Variants in CRY2 observed in about 807,000 individuals in gnomAD.
CRY2 encodes the protein cryptochrome circadian regulator 2.
A neutral mutation model predicts 69.5 loss-of-function variants in CRY2; 31 were observed. The observed-to-expected ratio is 0.45, with a 90% CI of 0.34 to 0.60. The LOEUF (loss-of-function observed/expected upper bound fraction) is 0.60. Ranked by LOEUF, CRY2 falls within the 20% of genes least tolerant of loss-of-function variation. The pLI, the probability that CRY2 is intolerant of heterozygous loss-of-function variation, is 0.02. For missense variants in CRY2, 606 were observed against 797.8 expected (o/e 0.76, Z 2.90); for synonymous variants, 303 against 312.2 (o/e 0.97, Z 0.31).
intron 2 of CRY2, among the ~76,000 whole-genome samples, chr11:45,857,078 G>A (rs2086246240): frequency 6.6e-6 from 1 of 152,120 alleles, no homozygotes; most frequent in African/African-American, 2.4e-5. Flanking sequence ...AAAAGGAAAA[G>A]TCATGTCAAG....
intron 6 of CRY2, among the ~76,000 whole-genome samples, chr11:45,868,609 A>G (rs1190948259): frequency 6.6e-6 from 1 of 151,812 alleles, no homozygotes; most frequent in Non-Finnish European, 1.5e-5. Flanking sequence ...GTGAGCCACC[A>G]TGCCTAGCCG....
intron 11 of CRY2, 46 bp from the exon 12 acceptor site, chr11:45,880,868 G>C (rs2086466401): frequency 6.6e-6 from 1 of 152,272 alleles, no homozygotes; most frequent in African/African-American, 2.4e-5. Flanking sequence ...CTGGGCAACT[G>C]AGCAGCCTCC....
At chr11:45,847,964 T>C (rs1456148492) in intron 1 of CRY2, among the ~76,000 whole-genome samples, 1 of 152,210 alleles carries the variant, frequency 6.6e-6, no homozygotes, top group Non-Finnish European at 1.5e-5. Flanking sequence ...GTTGTACAGA[T>C]GAGACCCTTG....
intron 5 of CRY2, among the ~76,000 whole-genome samples, chr11:45,864,737 G>A (rs565103435): frequency 2.4e-4 from 36 of 152,162 alleles, no homozygotes; most frequent in African/African-American, 7.9e-4. Flanking sequence ...GCATGGTGGC[G>A]AGTGCCTGTA....
At chr11:45,861,901 T>C (rs1415891591) in intron 4 of CRY2, 159 bp from the exon 5 acceptor site, 1 of 635,788 alleles carries the variant, frequency 1.6e-6, no homozygotes, top group African/African-American at 1.9e-5. Flanking sequence ...GAGAACCAAG[T>C]TGACCTAGAA....
In CRY2 at chr11:45,870,941, A is replaced by G; in HGVS notation, c.1642+7A>G. 1.2e-6 allele frequency: 2 copies of G among 1,607,408 alleles called. No homozygotes were observed. The highest frequency in any genetic ancestry group is 2.2e-5 in the South Asian group (2 of 90,708). ...GGCAGCATGAGCAGTGCAGGTGAGC[A>G]GCAGCAACCAACCTCCTGTGGCCTC... On this transcript the variant is annotated splice_region_variant and intron_variant, in intron 10 of 11. Transcript: ENST00000616080.
intron 1 of CRY2, among the ~76,000 whole-genome samples, chr11:45,854,457 G>A (rs917229262): frequency 1.3e-5 from 2 of 152,204 alleles, no homozygotes; most frequent in African/African-American, 2.4e-5. Flanking sequence ...GCTGAGGAGG[G>A]CGGATCACTT....
chr11:45,879,934 G>T (rs905532073), intron 11 of CRY2, among the ~76,000 whole-genome samples: 9 of 152,146 alleles, frequency 5.9e-5, no homozygotes, highest in African/African-American at 1.9e-4. Context: ...TACTGTCTGG[G>T]TCTAAATTTC....
At chr11:45,847,464 G>C (rs1295298215), upstream of CRY2, 3 of 1,597,280 alleles carry the variant, frequency 1.9e-6, no homozygotes, top group Admixed American at 3.4e-5. Flanking sequence ...GGGCGGAGCG[G>C]GGGTGGCTGG....
intron 11 of CRY2, 39 bp downstream of exon 11, chr11:45,872,272 G>A: frequency 6.3e-7 from 1 of 1,596,120 alleles, no homozygotes; most frequent in African/African-American, 1.3e-5. Flanking sequence ...CAGGAAGGAA[G>A]TTGGGAGTGG....
At chr11:45,869,898 A>G in intron 7 of CRY2, 81 bp downstream of exon 7, 1 of 1,522,658 alleles carries the variant, frequency 6.6e-7, no homozygotes, top group East Asian at 2.3e-5. Context: ...GGGCTGAGGG[A>G]TGAGGTGGGA....
Position 45,872,129 on chromosome 11 carries a change from A to T in CRY2, c.1680A>T (p.Lys560Asn). The T allele has an allele frequency of 6.2e-7, 1 of 1,614,072 alleles. No homozygotes were observed. The highest frequency in any genetic ancestry group is 8.5e-7 in the Non-Finnish European group (1 of 1,179,972). ...RPLPSGPASP[K>N]RKLEAAEEPP... is the part of the protein sequence containing the mutation. ...TACCCAGTGGCCCAGCATCCCCCAA[A>T]CGCAAGCTGGAAGCAGCCGAGGAAC... Residue 560 changes from lysine to asparagine, a missense_variant, in exon 11 of 12, where the codon AAA becomes AAT. Coordinates refer to ENST00000616080, the MANE Select transcript of CRY2 (RefSeq NM_021117.5).
chr11:45,876,541 C>G (rs1266652301), intron 11 of CRY2, among the ~76,000 whole-genome samples: 3 of 152,214 alleles, frequency 2.0e-5, no homozygotes, highest in Non-Finnish European at 2.9e-5. Context: ...TCTCATTGGT[C>G]CAATTATTTT....
intron 1 of CRY2, among the ~76,000 whole-genome samples, chr11:45,851,921 C>A (rs893510990): frequency 6.6e-6 from 1 of 152,170 alleles, no homozygotes; most frequent in East Asian, 1.9e-4. Flanking sequence ...TATCCTCCCT[C>A]CCCCCATTAA....
At chr11:45,876,167 A>G (rs1279299456) in intron 11 of CRY2, among the ~76,000 whole-genome samples, 1 of 152,170 alleles carries the variant, frequency 6.6e-6, no homozygotes, top group Admixed American at 6.5e-5. Flanking sequence ...GTAAGATGTG[A>G]ATAGTCATTC....
intron 4 of CRY2, chr11:45,861,277 C>T (rs1211073743): frequency 1.5e-5 from 7 of 478,102 alleles, no homozygotes; most frequent in Non-Finnish European, 2.6e-5. Context: ...TAGATCATGC[C>T]TCTATTTTTG....
intron 10 of CRY2, 120 bp from the exon 11 acceptor site, chr11:45,871,972 C>A: frequency 7.3e-7 from 1 of 1,372,414 alleles, no homozygotes; most frequent in Non-Finnish European, 1.0e-6. Context: ...TGAGGAGCAG[C>A]ATGCTGGCAT....
At position 45,870,939 on chromosome 11, in the gene CRY2, G is replaced by A. The variant is rs1445792910; in HGVS notation, c.1642+5G>A. 1 of 1,608,040 alleles carries A rather than the reference G, an allele frequency of 6.2e-7. No homozygotes were observed. The highest frequency in any genetic ancestry group is 8.5e-7 in the Non-Finnish European group (1 of 1,179,280). On this transcript the variant is annotated splice_donor_5th_base_variant and intron_variant, in intron 10 of 11. Coordinates refer to ENST00000616080, the MANE Select transcript of CRY2 (RefSeq NM_021117.5). Reference sequence around the variant, plus strand: ...CTGGCAGCATGAGCAGTGCAGGTGAGCAGCAGCAACCAACCTCCTGTGGCC... The same window carrying A: ...CTGGCAGCATGAGCAGTGCAGGTGAACAGCAGCAACCAACCTCCTGTGGCC...
At chr11:45,857,045 C>T (rs910427470) in intron 2 of CRY2, among the ~76,000 whole-genome samples, 1 of 152,102 alleles carries the variant, frequency 6.6e-6, no homozygotes, top group Non-Finnish European at 1.5e-5. Flanking sequence ...TTGTCATGCC[C>T]CTCCCCACCC....
Sources: gnomAD v4.1 joint callset for allele counts (sites outside exome capture counted in the v4.1 genomes callset) on GRCh38, gnomAD v4.1.1 for gene constraint, MANE v1.5 for transcripts, NCBI Gene and HGNC (gene_info 2026-07-23, HGNC 2026-07-21) for gene names.